Variants in NUP62CL observed in about 807,000 individuals in gnomAD.
The protein encoded by NUP62CL is nucleoporin-62 C-terminal-like protein.
In NUP62CL, 13 loss-of-function variants were observed where a neutral mutation model predicts 15.3. That is an observed-to-expected ratio of 0.85 (90% CI 0.55 to 1.35). The LOEUF is 1.35. NUP62CL is among the 40% of genes most tolerant of loss of function. The probability of loss-of-function intolerance (pLI) is 0.00; values close to 1 mark genes in which losing one functional copy is unlikely to be tolerated. For synonymous variants in NUP62CL, 54 were observed against 49.2 expected (o/e 1.10, Z -0.41); for missense variants, 123 against 130.6 (o/e 0.94, Z 0.28).
intron 4 of NUP62CL, among the ~76,000 whole-genome samples, chrX:107,156,205 G>A (rs1297953994): frequency 8.9e-6 from 1 of 111,862 alleles, no homozygotes; most frequent in African/African-American, 3.3e-5. Flanking sequence ...GCTGGGGGAG[G>A]GGCGCCCGCC....
chrX:107,136,624 C>T (rs1925644357), intron 8 of NUP62CL, among the ~76,000 whole-genome samples: 1 of 112,293 alleles, frequency 8.9e-6, no homozygotes, highest in Non-Finnish European at 1.9e-5. Context: ...CCAACCAATA[C>T]ATATCATGAA....
At chrX:107,165,492 C>A (rs986684021) in intron 4 of NUP62CL, among the ~76,000 whole-genome samples, 3 of 109,963 alleles carry the variant, frequency 2.7e-5, no homozygotes, top group Non-Finnish European at 5.7e-5. Context: ...CCAATGTTAC[C>A]CTGATATCAA....
intron 8 of NUP62CL, among the ~76,000 whole-genome samples, chrX:107,127,782 TA>T (rs200395600): frequency 1.2e-4 from 13 of 104,896 alleles, no homozygotes; most frequent in South Asian, 3.9e-4. Context: ...GGCAGTGAGA[TA>T]AAAAAAAAAT....
At chrX:107,133,232 T>TC (rs1163505067) in intron 8 of NUP62CL, among the ~76,000 whole-genome samples, 3 of 111,620 alleles carry the variant, frequency 2.7e-5, no homozygotes, top group Non-Finnish European at 5.7e-5. Flanking sequence ...TCTTCCATCA[T>TC]CCCTCTCTCT....
chrX:107,152,130 A>ATT lies in NUP62CL; in HGVS notation c.530+1040_530+1041dup. Among the ~76,000 whole-genome samples, 2 of 40,692 alleles carry ATT rather than the reference A, an allele frequency of 4.9e-5. 1 individual carries two copies. The highest frequency in any genetic ancestry group is 2.4e-4 in the African/African-American group (2 of 8,474). 35.3% of individuals were successfully genotyped at this position (40,692 alleles called of 115,157 possible). A position where few individuals can be genotyped will look rare whatever the true frequency, so the allele number is the denominator to read the frequency against. On this transcript the variant is annotated intron_variant, in intron 7 of 8. Coordinates refer to ENST00000372466, the MANE Select transcript of NUP62CL (RefSeq NM_017681.3). ...TATATATATTCAGATATATATATAT[A>ATT]TTCAGATATATATATATTCAGATAT... is the stretch of plus-strand genomic sequence containing the variant.
At chrX:107,151,461 A>C (rs1926008320) in intron 7 of NUP62CL, among the ~76,000 whole-genome samples, 1 of 110,304 alleles carries the variant, frequency 9.1e-6, no homozygotes, top group Non-Finnish European at 1.9e-5. Context: ...AAAGATAGAC[A>C]AACCTGCTAA....
chrX:107,126,788 C>T (rs1259053162), intron 8 of NUP62CL, among the ~76,000 whole-genome samples: 2 of 112,290 alleles, frequency 1.8e-5, no homozygotes, highest in Admixed American at 9.4e-5. Context: ...AATCCCAGCA[C>T]TTTGGGGGGC....
chrX:107,203,246 CT>C (rs200961978), intron 1 of NUP62CL, among the ~76,000 whole-genome samples: 360 of 97,277 alleles, frequency 3.7e-3, no homozygotes, highest in Admixed American at 7.3e-3. Context: ...TCTCCCTTTA[CT>C]TTTTTTTTTT....
chrX:107,184,089 C>A (rs185293874), intron 2 of NUP62CL, among the ~76,000 whole-genome samples: 19 of 109,356 alleles, frequency 1.7e-4, no homozygotes, highest in Non-Finnish European at 3.0e-4. Flanking sequence ...CACCTCCCCC[C>A]CCTCCACCAG....
At chrX:107,189,871 A>G (rs867995887) in intron 2 of NUP62CL, among the ~76,000 whole-genome samples, 1,194 of 79,241 alleles carry the variant, frequency 0.015, 12 homozygotes, top group Non-Finnish European at 0.021. Flanking sequence ...GGAAGGAAAA[A>G]GAAAGAAAAG....
chrX:107,194,805 TTC>T (rs200877180), intron 1 of NUP62CL, among the ~76,000 whole-genome samples: 1 of 91,438 alleles, frequency 1.1e-5, no homozygotes, highest in Non-Finnish European at 2.1e-5. Flanking sequence ...TTTCTTTTCT[TTC>T]TCTCTTTTTT....
At chrX:107,200,503 C>G (rs1927453990) in intron 1 of NUP62CL, among the ~76,000 whole-genome samples, 1 of 109,109 alleles carries the variant, frequency 9.2e-6, no homozygotes, top group Non-Finnish European at 1.9e-5. Context: ...CCTGTAATCC[C>G]AGCTACTCAG....
chrX:107,172,415 T>C (rs1443168957), intron 3 of NUP62CL, among the ~76,000 whole-genome samples: 1 of 111,646 alleles, frequency 9.0e-6, no homozygotes, highest in Non-Finnish European at 1.9e-5. Context: ...TTAAGCCAGA[T>C]TAAAACAGAT....
At chrX:107,141,728 T>A in intron 8 of NUP62CL, among the ~76,000 whole-genome samples, 1 of 111,948 alleles carries the variant, frequency 8.9e-6, no homozygotes, top group Non-Finnish European at 1.9e-5. Context: ...CATCTGATAC[T>A]CTTCAGATAT....
At chrX:107,131,969 A>G in intron 8 of NUP62CL, 1 of 1,013,895 alleles carries the variant, frequency 9.9e-7, no homozygotes, top group Non-Finnish European at 1.4e-6. Context: ...CTGACAGAGA[A>G]GAAGGAAGGA....
chrX:107,194,817 T>C (rs1185153016), intron 1 of NUP62CL, among the ~76,000 whole-genome samples: 2 of 89,924 alleles, frequency 2.2e-5, no homozygotes, highest in African/African-American at 8.3e-5. Context: ...CTCTCTTTTT[T>C]TTTTTTTTTT....
At chrX:107,145,845 C>A (rs989502920) in intron 8 of NUP62CL, among the ~76,000 whole-genome samples, 1 of 110,903 alleles carries the variant, frequency 9.0e-6, no homozygotes, top group African/African-American at 3.3e-5. Context: ...TTTCTCATAA[C>A]GAACTTTTTG....
chrX:107,130,883 T>C (rs913661337), intron 8 of NUP62CL, among the ~76,000 whole-genome samples: 2 of 111,746 alleles, frequency 1.8e-5, no homozygotes, highest in Admixed American at 1.9e-4. Context: ...TAAATATTGA[T>C]TTATGTGAAA....
chrX:107,200,823 C>G (rs1927467167), intron 1 of NUP62CL, among the ~76,000 whole-genome samples: 1 of 109,507 alleles, frequency 9.1e-6, no homozygotes, highest in Admixed American at 9.8e-5. Flanking sequence ...AAAGAACTAA[C>G]TGGTGAATAG....
Sources: allele counts gnomAD v4.1 joint callset (sites outside exome capture counted in the v4.1 genomes callset), GRCh38; gene constraint gnomAD v4.1.1; transcripts MANE v1.5; gene names NCBI Gene and HGNC (gene_info 2026-07-23, HGNC 2026-07-21).